The following PDIA6 variants were observed in gnomAD, a reference collection of about 807,000 sequenced individuals.
PDIA6 encodes protein disulfide isomerase family A member 6.
Under a neutral mutation model 58.4 loss-of-function variants are expected in PDIA6, and 29 were observed. That is an observed-to-expected ratio of 0.50 (90% CI 0.37 to 0.68). PDIA6 has a LOEUF of 0.68. Among genes scored for constraint, PDIA6 ranks in the 30% least tolerant of loss-of-function variants. PDIA6 has a pLI of 0.00. For missense variants in PDIA6, 480 were observed against 551.0 expected, an observed-to-expected ratio of 0.87 and a Z score of 1.29; for synonymous variants, 192 against 202.6, an observed-to-expected ratio of 0.95 and a Z score of 0.44.
chr2:10,788,884 C>T lies in PDIA6; in HGVS notation c.925+13G>A. 6.2e-7 allele frequency: 1 copy of T among 1,606,796 alleles called. No individual in the cohort carries two copies. Among genetic ancestry groups the T allele is most frequent in the South Asian group, 1.1e-5 (1 of 90,930 alleles). ...ATAGAACAGCTAAGGGAAATCATTT[C>T]CGTCTGTCTTACCAGTATCAAGGAT... On this transcript the variant is annotated intron_variant, in intron 9 of 12. Transcript: ENST00000272227.
At chr2:10,837,552 C>G (rs1667853193) in exon 1 of PDIA6, 2 of 743,080 alleles carry the variant, frequency 2.7e-6, no homozygotes, top group Non-Finnish European at 4.7e-6. Context: ...CAAGTATCAT[C>G]AACTCATTTG....
At chr2:10,809,812 G>GT (rs1414826669) in intron 1 of PDIA6, among the ~76,000 whole-genome samples, 2 of 152,072 alleles carry the variant, frequency 1.3e-5, no homozygotes, top group Non-Finnish European at 2.9e-5. Flanking sequence ...AAGCAAAAGA[G>GT]TAAGTTACAG....
Position 10,802,529 on chromosome 2 carries a change from C to T in PDIA6, c.131G>A (p.Ser44Asn). The change falls in exon 2 of 13, where the codon AGT becomes AAT. Residue 44 changes from serine to asparagine, a missense_variant. By Grantham distance (46) the Ser-to-Asn change is conservative (BLOSUM62 1). Transcript: ENST00000272227. The part of the protein sequence containing the change: ...NFNREVIQSD[S>N]LWLVEFYAPW... ...AGCATAGAATTCTACAAGCCACAAA[C>T]TATCACTCTGAATAACTTCTCGGTT... 6.9e-7 allele frequency: 1 copy of T among 1,457,416 alleles called. No individual in the cohort carries two copies. Among genetic ancestry groups the T allele is most frequent in the South Asian group, 1.6e-5 (1 of 62,040 alleles). 90.3% of individuals were successfully genotyped at this position (1,457,416 alleles called of 1,614,324 possible). A position where few individuals can be genotyped will look rare whatever the true frequency, so the allele number is the denominator to read the frequency against.
intron 10 of PDIA6, among the ~76,000 whole-genome samples, chr2:10,788,461 G>A (rs1401707530): frequency 1.3e-5 from 2 of 151,806 alleles, no homozygotes; most frequent in East Asian, 3.9e-4. Context: ...TTTGAGACCA[G>A]CCTAGACAAC....
chr2:10,816,597 T>C (rs761382431), upstream of PDIA6, among the ~76,000 whole-genome samples: 5 of 150,440 alleles, frequency 3.3e-5, no homozygotes, highest in Non-Finnish European at 5.9e-5. Context: ...AAATACAGCA[T>C]TTTTCATTTA....
chr2:10,804,303 AG>A (rs1254074655), intron 1 of PDIA6, among the ~76,000 whole-genome samples: 1 of 150,628 alleles, frequency 6.6e-6, no homozygotes, highest in East Asian at 1.9e-4. Flanking sequence ...TTATGGTTTT[AG>A]GTCTAACGTT....
At chr2:10,822,416 C>T (rs563529656) in intron 1 of PDIA6, among the ~76,000 whole-genome samples, 1 of 152,244 alleles carries the variant, frequency 6.6e-6, no homozygotes, top group Admixed American at 6.5e-5. Context: ...GCGCCCGCCA[C>T]GATGCCTGGC....
intron 4 of PDIA6, among the ~76,000 whole-genome samples, chr2:10,795,106 TCTGAACCA>T (rs757915267): frequency 6.6e-6 from 1 of 152,156 alleles, no homozygotes; most frequent in Non-Finnish European, 1.5e-5. Context: ...ATTTCCGTCA[TCTGAACCA>T]CTGCCCCTTC....
chr2:10,837,180 C>T (rs190003314), upstream of PDIA6, among the ~76,000 whole-genome samples: 42 of 152,264 alleles, frequency 2.8e-4, no homozygotes, highest in Non-Finnish European at 5.3e-4. Flanking sequence ...CCCATGAGTG[C>T]GGCCCCCAGC....
At chr2:10,831,085 C>A (rs1462560717) in intron 1 of PDIA6, among the ~76,000 whole-genome samples, 3 of 151,956 alleles carry the variant, frequency 2.0e-5, no homozygotes, top group African/African-American at 4.9e-5. Context: ...GCTGGTGAGA[C>A]CCCCCTTCTC....
chr2:10,788,974 T>C lies in PDIA6; in HGVS notation c.848A>G (p.Asn283Ser), dbSNP rs1345840004. 4.3e-6 allele frequency: 7 copies of C among 1,613,588 alleles called. No individual in the cohort carries two copies. Among genetic ancestry groups the C allele is most frequent in the African/African-American group, 2.7e-5 (2 of 74,918 alleles). Reference sequence around the variant, plus strand: ...ACACGTCCTCTTGGCAATGTCCTCGTTGATAATCTGTGGGACCCAAAAGAC... The same window carrying C: ...ACACGTCCTCTTGGCAATGTCCTCGCTGATAATCTGTGGGACCCAAAAGAC... ...APPPELLEIINEDIAKRTCEE... is the reference protein window; with the variant it reads ...APPPELLEIISEDIAKRTCEE... The change falls in exon 9 of 13, where the codon AAC becomes AGC. Residue 283 changes from asparagine to serine, a missense_variant. Transcript: ENST00000272227.
chr2:10,806,895 C>A (rs1486224269), intron 1 of PDIA6, among the ~76,000 whole-genome samples: 1 of 152,142 alleles, frequency 6.6e-6, no homozygotes, highest in Non-Finnish European at 1.5e-5. Context: ...GAGAAATAAG[C>A]TATACCATGT....
chr2:10,785,263 C>T (rs1223016402), intron 11 of PDIA6, among the ~76,000 whole-genome samples: 3 of 152,184 alleles, frequency 2.0e-5, no homozygotes, highest in Non-Finnish European at 4.4e-5. Flanking sequence ...CAGATAAAGT[C>T]AGTTGCTATC....
intron 1 of PDIA6, among the ~76,000 whole-genome samples, chr2:10,808,731 T>C (rs951677264): frequency 2.0e-5 from 3 of 152,184 alleles, no homozygotes; most frequent in African/African-American, 4.8e-5. Context: ...TCCAGCATGA[T>C]AGCCACTAGC....
upstream of PDIA6, among the ~76,000 whole-genome samples, chr2:10,834,082 G>A (rs1437201449): frequency 1.3e-5 from 2 of 152,226 alleles, no homozygotes; most frequent in African/African-American, 4.8e-5. Context: ...TCTAAATACT[G>A]TTGCAAAGTC....
At chr2:10,835,648 G>C (rs528274299), upstream of PDIA6, among the ~76,000 whole-genome samples, 11 of 152,202 alleles carry the variant, frequency 7.2e-5, no homozygotes, top group South Asian at 2.1e-4. Flanking sequence ...AACCCAGCCT[G>C]GGTTTGGATC....
chr2:10,820,809 A>G (rs1342355691), intron 1 of PDIA6: 8 of 702,854 alleles, frequency 1.1e-5, no homozygotes, highest in South Asian at 5.9e-5. Flanking sequence ...TGGGACCTCA[A>G]CTGGGGCCAG....
chr2:10,789,682 C>G, intron 8 of PDIA6, 67 bp downstream of exon 8: 4 of 1,442,528 alleles, frequency 2.8e-6, no homozygotes, highest in Non-Finnish European at 3.9e-6. Context: ...GTGTGTCACA[C>G]TGCTTTAACA....
chr2:10,794,475 T>C (rs1386963012), intron 4 of PDIA6, among the ~76,000 whole-genome samples: 2 of 36,572 alleles, frequency 5.5e-5, no homozygotes, highest in Non-Finnish European at 8.3e-5. Context: ...TTTCTTTTTT[T>C]TTTTTTTTTT....
Sources: allele counts gnomAD v4.1 joint callset (sites outside exome capture counted in the v4.1 genomes callset), GRCh38; gene constraint gnomAD v4.1.1; transcripts MANE v1.5; gene names NCBI Gene and HGNC (gene_info 2026-07-23, HGNC 2026-07-21).